Variants in DAB1 observed in about 807,000 individuals in gnomAD.
DAB1 encodes the protein disabled homolog 1.
Under a neutral mutation model 64.6 loss-of-function variants are expected in DAB1, and 15 were observed. The observed-to-expected ratio is 0.23, with a 90% CI of 0.16 to 0.36. The LOEUF (loss-of-function observed/expected upper bound fraction) is 0.36. Ranked by LOEUF, DAB1 falls within the 10% of genes least tolerant of loss-of-function variation. The pLI, the probability that DAB1 is intolerant of heterozygous loss-of-function variation, is 1.00. For missense variants in DAB1, 596 were observed against 706.7 expected, an observed-to-expected ratio of 0.84 and a Z score of 1.78; for synonymous variants, 235 against 251.9, an observed-to-expected ratio of 0.93 and a Z score of 0.64.
chr1:58,374,723 A>C (rs989893542), intron 3 of DAB1, among the ~76,000 whole-genome samples: 3 of 140,916 alleles, frequency 2.1e-5, no homozygotes, highest in African/African-American at 8.0e-5. Context: ...GAAGAAAGTC[A>C]TTGGTAGCTT....
At chr1:57,502,983 G>A (rs1291937955) in intron 7 of DAB1, among the ~76,000 whole-genome samples, 1 of 152,164 alleles carries the variant, frequency 6.6e-6, no homozygotes. Flanking sequence ...ATCTCCAGAG[G>A]TAGGTACTAG....
chr1:58,191,126 G>A (rs2100230330), intron 4 of DAB1, among the ~76,000 whole-genome samples: 1 of 152,304 alleles, frequency 6.6e-6, no homozygotes, highest in African/African-American at 2.4e-5. Context: ...GGAGGATGGT[G>A]TAAGACTCAG....
chr1:57,118,160 TA>T (rs1656311355), intron 4 of DAB1, among the ~76,000 whole-genome samples: 1 of 152,220 alleles, frequency 6.6e-6, no homozygotes, highest in Non-Finnish European at 1.5e-5. Context: ...TTCACAAGAT[TA>T]GTCTAATTGC....
intron 6 of DAB1, among the ~76,000 whole-genome samples, chr1:57,743,621 T>C (rs1322629528): frequency 6.6e-6 from 1 of 152,086 alleles, no homozygotes; most frequent in East Asian, 1.9e-4. Flanking sequence ...GTATCACCCA[T>C]GGAGAACGTG....
chr1:57,544,533 C>G (rs1314656863), intron 7 of DAB1, among the ~76,000 whole-genome samples: 1 of 152,192 alleles, frequency 6.6e-6, no homozygotes, highest in Non-Finnish European at 1.5e-5. Context: ...CCACTTTCAT[C>G]CCACACTCTG....
At chr1:57,439,276 A>G (rs1254954614) in intron 7 of DAB1, among the ~76,000 whole-genome samples, 2 of 152,090 alleles carry the variant, frequency 1.3e-5, no homozygotes, top group African/African-American at 4.8e-5. Flanking sequence ...TCAAATCCCT[A>G]TCACATCACC....
At chr1:58,297,796 G>C (rs1387993837) in intron 4 of DAB1, among the ~76,000 whole-genome samples, 1 of 152,204 alleles carries the variant, frequency 6.6e-6, no homozygotes, top group Non-Finnish European at 1.5e-5. Flanking sequence ...TCATGAGAAA[G>C]ACATTTGTAA....
chr1:57,850,421 A>T (rs1653467417), intron 1 of DAB1, among the ~76,000 whole-genome samples: 1 of 151,764 alleles, frequency 6.6e-6, no homozygotes, highest in African/African-American at 2.4e-5. Flanking sequence ...GTGAGATTTA[A>T]TTTCAGGATT....
chr1:57,671,016 A>C (rs2101683723), intron 6 of DAB1, among the ~76,000 whole-genome samples: 1 of 152,250 alleles, frequency 6.6e-6, no homozygotes, highest in South Asian at 2.1e-4. Context: ...CCTACATGTC[A>C]CTTCATTCAC....
chr1:58,261,706 G>GT (rs1050634496), intron 4 of DAB1, among the ~76,000 whole-genome samples: 3 of 151,196 alleles, frequency 2.0e-5, no homozygotes, highest in South Asian at 2.1e-4. Flanking sequence ...AGATCAATTT[G>GT]TTTTTTTGTT....
intron 3 of DAB1, among the ~76,000 whole-genome samples, chr1:58,406,794 A>C (rs1412911264): frequency 6.6e-6 from 1 of 151,144 alleles, no homozygotes; most frequent in African/African-American, 2.4e-5. Context: ...TTAGTGGCTG[A>C]GTTTAATGAA....
intron 3 of DAB1, among the ~76,000 whole-genome samples, chr1:58,495,034 G>A (rs1034925457): frequency 3.9e-5 from 6 of 152,160 alleles, no homozygotes; most frequent in African/African-American, 1.4e-4. Context: ...GTCCAACAAT[G>A]ATAGACTGGA....
intron 3 of DAB1, among the ~76,000 whole-genome samples, chr1:58,495,065 T>C (rs967006701): frequency 3.9e-5 from 6 of 152,160 alleles, no homozygotes; most frequent in Non-Finnish European, 7.3e-5. Flanking sequence ...GTGGCACATA[T>C]ACAGCATGGA....
intron 14 of DAB1, among the ~76,000 whole-genome samples, chr1:57,001,774 T>G (rs905801522): frequency 2.6e-5 from 4 of 152,198 alleles, no homozygotes; most frequent in Non-Finnish European, 5.9e-5. Context: ...CCTTCTGGCT[T>G]CGGAGGCTTC....
intron 4 of DAB1, among the ~76,000 whole-genome samples, chr1:58,254,435 C>A (rs1363255230): frequency 7.0e-6 from 1 of 142,318 alleles, no homozygotes; most frequent in Non-Finnish European, 1.5e-5. Flanking sequence ...GGTACATGTG[C>A]ACATTGTGCA....
At chr1:57,632,481 G>A (rs1041424549) in intron 7 of DAB1, among the ~76,000 whole-genome samples, 12 of 152,310 alleles carry the variant, frequency 7.9e-5, no homozygotes, top group African/African-American at 2.4e-4. Context: ...GGTGACTAGC[G>A]TGGTAGAGGA....
intron 4 of DAB1, among the ~76,000 whole-genome samples, chr1:58,191,827 A>G (rs1306348720): frequency 6.6e-6 from 1 of 152,212 alleles, no homozygotes; most frequent in Non-Finnish European, 1.5e-5. Context: ...GCTGGTACAC[A>G]GAAGGACCTC....
intron 2 of DAB1, among the ~76,000 whole-genome samples, chr1:57,210,409 A>G (rs1436433551): frequency 1.3e-5 from 2 of 152,204 alleles, no homozygotes; most frequent in East Asian, 3.8e-4. Flanking sequence ...TAATGCATAA[A>G]ACATTTCAGC....
At chr1:57,069,745 G>A (rs1461065777) in intron 7 of DAB1, among the ~76,000 whole-genome samples, 1 of 152,092 alleles carries the variant, frequency 6.6e-6, no homozygotes, top group Admixed American at 6.5e-5. Flanking sequence ...GTATTGCTCA[G>A]TGAGAATGCT....
Sources: allele counts gnomAD v4.1 joint callset (sites outside exome capture counted in the v4.1 genomes callset), GRCh38; gene constraint gnomAD v4.1.1; transcripts MANE v1.5; gene names NCBI Gene and HGNC (gene_info 2026-07-23, HGNC 2026-07-21).